The following DLGAP4 variants were observed in gnomAD, a reference collection of about 807,000 sequenced individuals.
DLGAP4 encodes DLG associated protein 4.
Under a neutral mutation model 86.9 loss-of-function variants are expected in DLGAP4, and 18 were observed. The observed-to-expected ratio is 0.21, with a 90% CI of 0.14 to 0.31. The LOEUF is 0.31. Among genes scored for constraint, DLGAP4 ranks in the 10% least tolerant of loss-of-function variants. The probability of loss-of-function intolerance (pLI) is 1.00; values close to 1 mark genes in which losing one functional copy is unlikely to be tolerated. For synonymous variants in DLGAP4, 548 were observed against 574.3 expected, an observed-to-expected ratio of 0.95 and a Z score of 0.65; for missense variants, 1,085 against 1,362.6, an observed-to-expected ratio of 0.80 and a Z score of 3.21.
chr20:36,322,440 C>A (rs1185719847), intron 1 of DLGAP4, among the ~76,000 whole-genome samples: 1 of 152,136 alleles, frequency 6.6e-6, no homozygotes, highest in African/African-American at 2.4e-5. Flanking sequence ...AGCTCTGCTG[C>A]TTATTAGGGG....
intron 7 of DLGAP4, among the ~76,000 whole-genome samples, chr20:36,452,808 C>A (rs903681214): frequency 4.7e-5 from 7 of 149,794 alleles, no homozygotes; most frequent in African/African-American, 1.2e-4. Context: ...CTGCGCTTGG[C>A]CTTTTTCTTG....
intron 1 of DLGAP4, among the ~76,000 whole-genome samples, chr20:36,316,926 C>T: frequency 6.6e-6 from 1 of 152,284 alleles, no homozygotes; most frequent in Non-Finnish European, 1.5e-5. Context: ...GCCTGTTTGG[C>T]TTGCACACCT....
In DLGAP4 at chr20:36,461,701, C is replaced by CCCT. The variant is rs1175791446; in HGVS notation, c.1648+14785_1648+14787dup. 486 of 677,800 alleles carry CCCT rather than the reference C, an allele frequency of 7.2e-4. 1 individual carries two copies. The highest frequency in any genetic ancestry group is 2.2e-3 in the South Asian group (32 of 14,272). 42.0% of individuals were successfully genotyped at this position (677,800 alleles called of 1,614,324 possible). Reference sequence around the variant, plus strand: ...CGGCCCTGCCCCGCCCCCGCCCTCGCCCTCCTCCTCCTCCTCCTCCTCCCC... The same window carrying CCCT: ...CGGCCCTGCCCCGCCCCCGCCCTCGCCCTCCTCCTCCTCCTCCTCCTCCTCCCC... On this transcript the variant is annotated intron_variant, in intron 7 of 12. Coordinates refer to ENST00000339266, the MANE Select transcript of DLGAP4 (RefSeq NM_001365621.2).
At chr20:36,368,790 A>G (rs1231139812) in intron 2 of DLGAP4, among the ~76,000 whole-genome samples, 5 of 152,194 alleles carry the variant, frequency 3.3e-5, no homozygotes, top group Non-Finnish European at 5.9e-5. Flanking sequence ...AGCAATTACT[A>G]TGTGTTTGGC....
At chr20:36,395,006 T>A (rs2031904316) in intron 2 of DLGAP4, among the ~76,000 whole-genome samples, 1 of 152,046 alleles carries the variant, frequency 6.6e-6, no homozygotes, top group Non-Finnish European at 1.5e-5. Context: ...CCCTCCTCTT[T>A]TAGCCTCCCC....
chr20:36,338,014 G>T (rs552548398), intron 1 of DLGAP4, among the ~76,000 whole-genome samples: 4 of 152,350 alleles, frequency 2.6e-5, no homozygotes, highest in African/African-American at 9.6e-5. Context: ...AGTCTGGAAG[G>T]CCTGGGTCTG....
chr20:36,316,805 G>T (rs2065104988), intron 1 of DLGAP4, among the ~76,000 whole-genome samples: 1 of 152,096 alleles, frequency 6.6e-6, no homozygotes, highest in Non-Finnish European at 1.5e-5. Flanking sequence ...TCCCATTGCA[G>T]CCCGTCACTC....
intron 3 of DLGAP4, 71 bp from the exon 4 acceptor site, chr20:36,436,038 C>T: frequency 6.8e-7 from 1 of 1,464,026 alleles, no homozygotes; most frequent in South Asian, 1.4e-5. Flanking sequence ...CTTCAGGTCC[C>T]GGAGATGGGG....
intron 7 of DLGAP4, among the ~76,000 whole-genome samples, chr20:36,454,448 C>G (rs1430013762): frequency 6.6e-6 from 1 of 152,086 alleles, no homozygotes; most frequent in Non-Finnish European, 1.5e-5. Context: ...ATGTAGCATC[C>G]TTGATCAGTA....
rs569817429 is a variant in DLGAP4 at position 36,347,318 on chromosome 20, A to G, written c.-303-19727A>G. Among the ~76,000 whole-genome samples, 31 of 152,250 alleles carry G rather than the reference A, an allele frequency of 2.0e-4. 1 individual carries two copies. In the South Asian group the frequency reaches 6.4e-3, roughly 32 times the overall value. The stretch of plus-strand genomic sequence containing the variant: ...TAGAAGCAAGGCTATTGGGGCTTAG[A>G]GGGAGGAAAGATGGATTCTTTAGTG... On this transcript the variant is annotated intron_variant, in intron 1 of 12. Transcript: ENST00000339266.
At chr20:36,330,289 G>A (rs1374557154) in intron 1 of DLGAP4, among the ~76,000 whole-genome samples, 2 of 152,098 alleles carry the variant, frequency 1.3e-5, no homozygotes, top group African/African-American at 2.4e-5. Flanking sequence ...TATTGGTGGG[G>A]GCTCCAACTA....
intron 2 of DLGAP4, among the ~76,000 whole-genome samples, chr20:36,396,936 G>A (rs1035571870): frequency 3.3e-5 from 5 of 152,210 alleles, no homozygotes; most frequent in African/African-American, 1.2e-4. Flanking sequence ...TGTGCCCCAG[G>A]GAGGAGTTTC....
intron 2 of DLGAP4, among the ~76,000 whole-genome samples, chr20:36,404,610 G>A (rs1056816304): frequency 6.6e-6 from 1 of 152,220 alleles, no homozygotes; most frequent in Non-Finnish European, 1.5e-5. Flanking sequence ...ATGAGGGGGT[G>A]GAATGGAATG....
intron 1 of DLGAP4, among the ~76,000 whole-genome samples, chr20:36,311,723 A>G (rs2065055031): frequency 2.0e-5 from 3 of 152,148 alleles, no homozygotes; most frequent in Admixed American, 2.0e-4. Flanking sequence ...TGGAAGAGGA[A>G]ACTGGGGCAC....
intron 1 of DLGAP4, among the ~76,000 whole-genome samples, chr20:36,339,045 G>C (rs1437737905): frequency 6.6e-6 from 1 of 152,236 alleles, no homozygotes; most frequent in African/African-American, 2.4e-5. Flanking sequence ...CTCAAGAGCA[G>C]TAGGGAGCCA....
chr20:36,456,929 C>A (rs1235807769), intron 7 of DLGAP4, among the ~76,000 whole-genome samples: 1 of 152,232 alleles, frequency 6.6e-6, no homozygotes, highest in Non-Finnish European at 1.5e-5. Flanking sequence ...AGCACCTGAG[C>A]CTTGCAATCA....
chr20:36,405,962 A>G (rs2032306253), intron 2 of DLGAP4, among the ~76,000 whole-genome samples: 1 of 152,066 alleles, frequency 6.6e-6, no homozygotes, highest in Non-Finnish European at 1.5e-5. Flanking sequence ...CAAGGAAAGT[A>G]TTGGTGCCAC....
intron 1 of DLGAP4, among the ~76,000 whole-genome samples, chr20:36,330,773 C>A (rs979726377): frequency 6.6e-6 from 1 of 152,044 alleles, no homozygotes; most frequent in Non-Finnish European, 1.5e-5. Context: ...GAGGTTTCAC[C>A]GTGTTAGTCA....
At chr20:36,358,609 A>G (rs2030411203) in intron 1 of DLGAP4, among the ~76,000 whole-genome samples, 1 of 152,210 alleles carries the variant, frequency 6.6e-6, no homozygotes, top group African/African-American at 2.4e-5. Flanking sequence ...GATGGAGCAC[A>G]TCCTGGCTAA....
Sources: allele counts gnomAD v4.1 joint callset (sites outside exome capture counted in the v4.1 genomes callset), GRCh38; gene constraint gnomAD v4.1.1; transcripts MANE v1.5; gene names NCBI Gene and HGNC (gene_info 2026-07-23, HGNC 2026-07-21).